Variants in CACYBP observed in about 807,000 individuals in gnomAD.
The protein encoded by CACYBP is calcyclin binding protein, also known as calcyclin-binding protein.
Under a neutral mutation model 29.6 loss-of-function variants are expected in CACYBP, and 11 were observed. That is an observed-to-expected ratio of 0.37 (90% CI 0.23 to 0.61). The LOEUF (loss-of-function observed/expected upper bound fraction) is 0.61, where lower values mean the gene tolerates loss of function less well. Among genes scored for constraint, CACYBP ranks in the 20% least tolerant of loss-of-function variants. CACYBP has a pLI of 0.65. For missense variants in CACYBP, 163 were observed against 260.7 expected (o/e 0.63, Z 2.58); for synonymous variants, 73 against 88.3 (o/e 0.83, Z 0.97).
At chr1:175,006,397 G>A (rs760469293) in intron 2 of CACYBP, among the ~76,000 whole-genome samples, 53 of 152,034 alleles carry the variant, frequency 3.5e-4, no homozygotes, top group Admixed American at 3.2e-3. Flanking sequence ...TTTAGATGTC[G>A]GACAAAATTG....
At chr1:175,008,511 C>T (rs1672671706) in intron 4 of CACYBP, 98 bp from the exon 5 acceptor site, 1 of 701,784 alleles carries the variant, frequency 1.4e-6, no homozygotes, top group Non-Finnish European at 2.6e-6. Flanking sequence ...TCTATACATA[C>T]TAGGGACTTG....
intron 1 of CACYBP, chr1:175,000,698 C>T: frequency 2.8e-6 from 2 of 727,218 alleles, no homozygotes; most frequent in African/African-American, 1.9e-5. Context: ...TTCTCTGTGT[C>T]GCAGTAGCAT....
At chr1:175,005,939 A>G (rs1190087404) in intron 2 of CACYBP, among the ~76,000 whole-genome samples, 1 of 152,140 alleles carries the variant, frequency 6.6e-6, no homozygotes, top group Non-Finnish European at 1.5e-5. Context: ...TATGGGGTAC[A>G]TGAGATGTTT....
intron 1 of CACYBP, among the ~76,000 whole-genome samples, chr1:175,003,318 C>T (rs761192576): frequency 3.9e-5 from 6 of 152,020 alleles, no homozygotes; most frequent in Non-Finnish European, 7.4e-5. Flanking sequence ...GGGCTTTCGC[C>T]GTGTTGGTCA....
At chr1:175,003,887 C>A (rs1672553902) in intron 1 of CACYBP, among the ~76,000 whole-genome samples, 1 of 152,042 alleles carries the variant, frequency 6.6e-6, no homozygotes, top group Non-Finnish European at 1.5e-5. Flanking sequence ...GATGGATTGG[C>A]AAGAGAAGAA....
At chr1:174,999,886 G>A, upstream of CACYBP, 1 of 521,240 alleles carries the variant, frequency 1.9e-6, no homozygotes, top group East Asian at 3.7e-5. Context: ...CAGACTCGGC[G>A]GGGCGGGGAG....
intron 2 of CACYBP, among the ~76,000 whole-genome samples, chr1:175,005,359 TAC>T (rs993393448): frequency 6.6e-6 from 1 of 152,220 alleles, no homozygotes; most frequent in African/African-American, 2.4e-5. Flanking sequence ...CAATGGTGTA[TAC>T]AGTTTTTTGT....
rs535813233 is a variant in CACYBP at position 175,011,106 on chromosome 1, T to TAAAAAAAAAAAAAAA, written c.*1034_*1048dup. Reference sequence around the variant, plus strand: ...GTAACAGATTGAGAACCTGTCTCATTAAAAAAAAAAAAAAAAAAAAAGCCG... The same window carrying TAAAAAAAAAAAAAAA: ...GTAACAGATTGAGAACCTGTCTCATTAAAAAAAAAAAAAAAAAAAAAAAAAAAAAAAAAAAAGCCG... On this transcript the variant is annotated 3_prime_UTR_variant, in exon 6 of 6. Transcript: ENST00000367679. The TAAAAAAAAAAAAAAA allele has an allele frequency of 7.0e-5, 6 of 85,202 alleles. No individual in the cohort carries two copies. The highest frequency in any genetic ancestry group is 0.015 in the Middle Eastern group (2 of 130). The allele number at this position is 85,202 out of a possible 1,614,324, so 5.3% of individuals were successfully genotyped here. A position where few individuals can be genotyped will look rare whatever the true frequency, so the allele number is the denominator to read the frequency against.
At position 175,006,835 on chromosome 1, in the gene CACYBP, CAG is replaced by C; in HGVS notation, c.331_332del (p.Arg111ValfsTer3). 6.5e-7 allele frequency: 1 copy of C among 1,539,674 alleles called. No homozygotes were observed. Among genetic ancestry groups the C allele is most frequent in the Non-Finnish European group, 9.0e-7 (1 of 1,112,448 alleles). ...ACTGAGAATGTGCAGGTGCATTTCA[CAG>C]AGAGGTGAGTTCTCATTATAATGGG... is the stretch of plus-strand genomic sequence containing the variant. On this transcript the variant is annotated frameshift_variant, in exon 3 of 6. Coordinates refer to ENST00000367679, the MANE Select transcript of CACYBP (RefSeq NM_014412.3). LOFTEE classifies it high-confidence loss of function.
At chr1:175,008,179 TTATTA>T (rs1015455175) in intron 4 of CACYBP, among the ~76,000 whole-genome samples, 2 of 152,084 alleles carry the variant, frequency 1.3e-5, no homozygotes, top group Non-Finnish European at 2.9e-5. Flanking sequence ...CCGACCCCTC[TTATTA>T]TATTACTGTC....
At chr1:175,004,940 T>G in intron 2 of CACYBP, 107 bp downstream of exon 2, 1 of 799,976 alleles carries the variant, frequency 1.3e-6, no homozygotes, top group African/African-American at 1.7e-5. Flanking sequence ...TTTTGGTGGT[T>G]TGGAGCAAGA....
In CACYBP at chr1:175,010,035, G is replaced by C. The variant is rs149037309; in HGVS notation, c.643G>C (p.Val215Leu). ...DMKRTINKAW[V>L]ESREKQAKGD... Reference sequence around the variant, plus strand: ...GAAGCGAACCATTAATAAAGCCTGGGTGGAATCAAGAGAGAAGCAAGCCAA... The same window carrying C: ...GAAGCGAACCATTAATAAAGCCTGGCTGGAATCAAGAGAGAAGCAAGCCAA... The change falls in exon 6 of 6, where the codon GTG becomes CTG. Residue 215 changes from valine (V) to leucine (L), a missense_variant. Physicochemically the swap from Val to Leu is conservative, Grantham distance 32. Coordinates refer to ENST00000367679, the MANE Select transcript of CACYBP (RefSeq NM_014412.3). The C allele has an allele frequency of 1.6e-3, 2,561 of 1,613,642 alleles. 7 individuals are homozygous for C. The highest frequency in any genetic ancestry group is 2.0e-3 in the Non-Finnish European group (2,342 of 1,179,768).
intron 5 of CACYBP, among the ~76,000 whole-genome samples, chr1:175,009,509 G>T (rs1340581111): frequency 6.6e-6 from 1 of 151,978 alleles, no homozygotes; most frequent in Non-Finnish European, 1.5e-5. Flanking sequence ...AGCCGGGCAT[G>T]GTGGCATGTG....
intron 1 of CACYBP, among the ~76,000 whole-genome samples, chr1:175,001,076 T>C (rs1672474639): frequency 6.6e-6 from 1 of 152,214 alleles, no homozygotes; most frequent in Non-Finnish European, 1.5e-5. Context: ...TGTTTTGTTT[T>C]TGTTTTTTAA....
At chr1:175,009,869 A>G in intron 5 of CACYBP, 54 bp from the exon 6 acceptor site, 1 of 1,402,614 alleles carries the variant, frequency 7.1e-7, no homozygotes, top group East Asian at 2.3e-5. Flanking sequence ...CCTGAATGAT[A>G]GTATCTTCCG....
rs1182513264 is a variant in CACYBP at position 175,000,075 on chromosome 1, A to T, written c.-106A>T. The T allele has an allele frequency of 2.7e-6, 4 of 1,455,536 alleles. No individual in the cohort carries two copies. The highest frequency in any genetic ancestry group is 1.4e-5 in the African/African-American group (1 of 70,464). 90.2% of individuals were successfully genotyped at this position (1,455,536 alleles called of 1,614,324 possible). On this transcript the variant is annotated 5_prime_UTR_variant, in exon 1 of 6. Transcript: ENST00000367679. ...TGTGGGCGCAGGCTGCAGCGCCGCG[A>T]CTCGTGCGGGTAGGCGTCTGCGCTC...
At chr1:175,001,739 T>A (rs1253247251) in intron 1 of CACYBP, among the ~76,000 whole-genome samples, 1 of 152,232 alleles carries the variant, frequency 6.6e-6, no homozygotes, top group Non-Finnish European at 1.5e-5. Flanking sequence ...TTTATGGACA[T>A]TTATTTCCAC....
upstream of CACYBP, chr1:174,999,453 C>T (rs1672399921): frequency 6.5e-6 from 1 of 152,916 alleles, no homozygotes; most frequent in Non-Finnish European, 1.5e-5. Flanking sequence ...GTGACGTCTC[C>T]ACCGCGCCAA....
chr1:175,000,024 C>T lies in CACYBP; in HGVS notation c.-157C>T. The T allele has an allele frequency of 5.6e-6, 6 of 1,071,190 alleles. No individual in the cohort carries two copies. Among genetic ancestry groups the T allele is most frequent in the Admixed American group, 2.1e-5 (1 of 47,452 alleles). 66.4% of individuals were successfully genotyped at this position (1,071,190 alleles called of 1,614,324 possible). A position where few individuals can be genotyped will look rare whatever the true frequency, so the allele number is the denominator to read the frequency against. ...TTCGAGATCCGTCGCGTGCGGGAGGCGGGCCGCGATCTTGCGCAGGGTCGG... is the reference window on the plus strand; with the variant it reads ...TTCGAGATCCGTCGCGTGCGGGAGGTGGGCCGCGATCTTGCGCAGGGTCGG... On this transcript the variant is annotated 5_prime_UTR_variant, in exon 1 of 6. Transcript: ENST00000367679.
Sources: allele counts gnomAD v4.1 joint callset (sites outside exome capture counted in the v4.1 genomes callset), GRCh38; gene constraint gnomAD v4.1.1; transcripts MANE v1.5; gene names NCBI Gene and HGNC (gene_info 2026-07-23, HGNC 2026-07-21).